ANKRD42: variants seen among roughly 807,000 people sequenced by gnomAD.
The protein encoded by ANKRD42 is ankyrin repeat domain 42, also known as ankyrin repeat domain-containing protein 42.
ANKRD42 carries 43 observed loss-of-function variants against 51.5 expected under a neutral mutation model. The observed-to-expected ratio is 0.83, with a 90% CI of 0.65 to 1.08. The LOEUF (loss-of-function observed/expected upper bound fraction) is 1.08, where lower values mean the gene tolerates loss of function less well. Ranked by LOEUF, ANKRD42 falls within the 50% of genes least tolerant of loss-of-function variation. ANKRD42 has a pLI of 0.00. For missense variants in ANKRD42, 608 were observed against 629.3 expected (o/e 0.97, Z 0.36); for synonymous variants, 203 against 213.0 (o/e 0.95, Z 0.41).
At chr11:83,238,685 C>T (rs1863294685) in intron 8 of ANKRD42, among the ~76,000 whole-genome samples, 1 of 151,982 alleles carries the variant, frequency 6.6e-6, no homozygotes, top group African/African-American at 2.4e-5. Flanking sequence ...ACAAAATTAG[C>T]CAAGCATGGT....
At chr11:83,245,239 C>T (rs575309986) in intron 9 of ANKRD42, among the ~76,000 whole-genome samples, 6 of 152,138 alleles carry the variant, frequency 3.9e-5, no homozygotes, top group Non-Finnish European at 8.8e-5. Flanking sequence ...TTGTTCATAG[C>T]GTTAATAGTC....
At chr11:83,196,910 G>GT (rs1462658599) in intron 1 of ANKRD42, among the ~76,000 whole-genome samples, 1 of 152,174 alleles carries the variant, frequency 6.6e-6, no homozygotes, top group African/African-American at 2.4e-5. Context: ...GCAGTTTAGA[G>GT]TAGGGGCATG....
Position 83,240,197 on chromosome 11 carries a change from C to T in ANKRD42, c.1020-562C>T, listed in dbSNP as rs146261330. ...CAAAACCAAGAGTACATTACTGGAA[C>T]GTTCACAGAGATGCAGGAAAGATTA... is the stretch of plus-strand genomic sequence containing the variant. On this transcript the variant is annotated intron_variant, in intron 8 of 10. Coordinates refer to ENST00000533342, the MANE Select transcript of ANKRD42 (RefSeq NM_001300975.2). Among the ~76,000 whole-genome samples the T allele has an allele frequency of 3.5e-3, 525 of 152,102 alleles. 3 individuals are homozygous for T. Among genetic ancestry groups the T allele is most frequent in the South Asian group, 0.011 (53 of 4,814 alleles).
intron 5 of ANKRD42, 83 bp downstream of exon 5, chr11:83,211,513 T>C: frequency 6.8e-7 from 1 of 1,473,234 alleles, no homozygotes. Context: ...ATTTAAACTG[T>C]TGGTTGAGCG....
intron 5 of ANKRD42, among the ~76,000 whole-genome samples, chr11:83,215,800 T>G (rs556587010): frequency 3.3e-5 from 5 of 151,928 alleles, no homozygotes; most frequent in Admixed American, 2.6e-4. Context: ...TTGGGGTTGT[T>G]TGTTTGTTTT....
intron 2 of ANKRD42, among the ~76,000 whole-genome samples, chr11:83,203,547 C>T (rs1296534593): frequency 1.3e-5 from 2 of 151,872 alleles, no homozygotes; most frequent in African/African-American, 4.8e-5. Flanking sequence ...GCATGTGCCA[C>T]CACACCCAGC....
intron 2 of ANKRD42, 30 bp downstream of exon 2, chr11:83,198,672 G>A: frequency 1.3e-6 from 2 of 1,536,372 alleles, no homozygotes; most frequent in Non-Finnish European, 1.8e-6. Flanking sequence ...ACTAAACTGA[G>A]GTAAGTTTTA....
downstream of ANKRD42, among the ~76,000 whole-genome samples, chr11:83,256,413 T>C (rs1485971118): frequency 6.6e-6 from 1 of 152,192 alleles, no homozygotes; most frequent in African/African-American, 2.4e-5. Context: ...AGAGGCAGAT[T>C]GGACAGGATA....
chr11:83,211,189 G>T (rs1323368843), intron 4 of ANKRD42, 106 bp from the exon 5 acceptor site: 5 of 1,415,866 alleles, frequency 3.5e-6, no homozygotes, highest in Non-Finnish European at 5.0e-6. Flanking sequence ...TTGCCTTCTT[G>T]TATTAAGAAC....
intron 5 of ANKRD42, chr11:83,213,653 C>T (rs936086275): frequency 1.5e-5 from 12 of 799,878 alleles, no homozygotes; most frequent in East Asian, 1.6e-4. Context: ...TCATTTCGTA[C>T]GTTTAAAGGC....
At chr11:83,253,435 T>A (rs1486656731), downstream of ANKRD42, among the ~76,000 whole-genome samples, 1 of 152,202 alleles carries the variant, frequency 6.6e-6, no homozygotes, top group African/African-American at 2.4e-5. Flanking sequence ...ATTCCATATA[T>A]CCCAGCAGTA....
chr11:83,254,294 TCTATTA>T (rs2135566544), intron 11 of ANKRD42, among the ~76,000 whole-genome samples: 1 of 151,970 alleles, frequency 6.6e-6, no homozygotes. Context: ...AAGTCATAAC[TCTATTA>T]AAGCACTAGG....
chr11:83,207,348 G>A (rs866133726), intron 3 of ANKRD42, among the ~76,000 whole-genome samples: 3 of 152,204 alleles, frequency 2.0e-5, no homozygotes, highest in Non-Finnish European at 2.9e-5. Flanking sequence ...AGGAAGAAGC[G>A]TGAGATTGTT....
chr11:83,242,550 C>T (rs979084938), intron 9 of ANKRD42, among the ~76,000 whole-genome samples: 4 of 106,054 alleles, frequency 3.8e-5, no homozygotes, highest in South Asian at 3.2e-4. Flanking sequence ...CTGGGGAATT[C>T]GGTGAATGGT....
intron 5 of ANKRD42, chr11:83,213,548 T>C: frequency 7.9e-7 from 1 of 1,264,872 alleles, no homozygotes. Context: ...CATATGGTAT[T>C]ATTAGTTTTT....
chr11:83,248,315 AC>A lies in ANKRD42; in HGVS notation c.*112del. On this transcript the variant is annotated 3_prime_UTR_variant, in exon 11 of 11. Transcript: ENST00000533342. The stretch of plus-strand genomic sequence containing the variant: ...AAGGAATACACACACACACACACAC[AC>A]ACACACACACACACACACACTCTAT... The A allele has an allele frequency of 7.1e-7, 1 of 1,417,350 alleles. No homozygotes were observed. Among genetic ancestry groups the A allele is most frequent in the Non-Finnish European group, 9.2e-7 (1 of 1,092,246 alleles). The allele number at this position is 1,417,350 out of a possible 1,614,324, so 87.8% of individuals were successfully genotyped here.
chr11:83,248,143 C>G lies in ANKRD42; in HGVS notation c.1523C>G (p.Pro508Arg). The G allele has an allele frequency of 1.3e-6, 2 of 1,541,382 alleles. No individual in the cohort carries two copies. The highest frequency in any genetic ancestry group is 1.7e-6 in the Non-Finnish European group (2 of 1,145,860). The change falls in exon 11 of 11, where the codon CCA (proline) becomes CGA (arginine). Residue 508 changes from proline to arginine, a missense_variant. Physicochemically the swap from Pro to Arg is moderately radical, Grantham distance 103 (BLOSUM62 -2). Transcript: ENST00000533342. ...IFLKKYIQEW[P>R]RVQALGWGSL... is the part of the protein sequence containing the mutation. The stretch of plus-strand genomic sequence containing the variant: ...CTCAAGAAGTATATACAAGAGTGGC[C>G]AAGAGTACAAGCTTTGGGCTGGGGC...
In ANKRD42 at chr11:83,210,395, A is replaced by G. The variant is rs192705121; in HGVS notation, c.426A>G (p.Leu142=). 277 of 1,614,024 alleles carry G rather than the reference A, an allele frequency of 1.7e-4. 1 individual carries two copies. In the East Asian group the frequency reaches 6.1e-3, roughly 36 times the overall value. ...LAATHGHSFT[L]QIMLRSGVDP... ...CAACTCATGGACATTCTTTCACTTTACAAATAATGCTCCGAAGTGGAGTGG... is the reference window on the plus strand; with the variant it reads ...CAACTCATGGACATTCTTTCACTTTGCAAATAATGCTCCGAAGTGGAGTGG... The change falls in exon 4 of 11, where the codon TTA becomes TTG. Residue 142 remains leucine, a synonymous_variant. Coordinates refer to ENST00000533342, the MANE Select transcript of ANKRD42 (RefSeq NM_001300975.2).
chr11:83,214,876 T>C (rs2135511741), intron 5 of ANKRD42: 1 of 152,336 alleles, frequency 6.6e-6, no homozygotes, highest in East Asian at 1.9e-4. Context: ...GTTCTTGCTC[T>C]CTCCGTGCTA....
Sources: gnomAD v4.1 joint callset for allele counts (sites outside exome capture counted in the v4.1 genomes callset) on GRCh38, gnomAD v4.1.1 for gene constraint, MANE v1.5 for transcripts, NCBI Gene and HGNC (gene_info 2026-07-23, HGNC 2026-07-21) for gene names.